KIAA1549L: variants seen among roughly 807,000 people sequenced by gnomAD.
The protein encoded by KIAA1549L is UPF0606 protein KIAA1549L.
A neutral mutation model predicts 160.7 loss-of-function variants in KIAA1549L; 88 were observed. The observed-to-expected ratio is 0.55, with a 90% CI of 0.46 to 0.65. The LOEUF is 0.65. Among genes scored for constraint, KIAA1549L ranks in the 30% least tolerant of loss-of-function variants. The probability of loss-of-function intolerance (pLI) is 0.00; values close to 1 mark genes in which losing one functional copy is unlikely to be tolerated. For synonymous variants in KIAA1549L, 950 were observed against 976.7 expected (o/e 0.97, Z 0.51); for missense variants, 2,258 against 2,437.5 (o/e 0.93, Z 1.55).
At chr11:33,455,638 G>A (rs1851806956) in intron 1 of KIAA1549L, among the ~76,000 whole-genome samples, 1 of 152,248 alleles carries the variant, frequency 6.6e-6, no homozygotes, top group Non-Finnish European at 1.5e-5. Flanking sequence ...GATTTCCTGG[G>A]TATAATGTTT....
chr11:33,542,942 C>T lies in KIAA1549L; in HGVS notation c.1379C>T (p.Pro460Leu). ...LSAAPENSRG[P>L]ALSAEHTSSL... ...GCAGCTCCAGAGAATTCCAGAGGGC[C>T]CGCCCTTTCGGCAGAACACACCTCT... is the stretch of plus-strand genomic sequence containing the variant. Residue 460 changes from proline to leucine, a missense_variant, in exon 2 of 21, where the codon CCC becomes CTC. Physicochemically the swap from Pro to Leu is moderately conservative, Grantham distance 98. Transcript: ENST00000658780. The T allele has an allele frequency of 6.2e-7, 1 of 1,614,056 alleles. No homozygotes were observed. The highest frequency in any genetic ancestry group is 8.5e-7 in the Non-Finnish European group (1 of 1,179,908).
In KIAA1549L at chr11:33,609,717, A is replaced by G. The variant is rs915692235; in HGVS notation, c.5062-32A>G. ...TCCCACCTGCCGGCCCCACTGGGTC[A>G]GGTTTGGGCCTGAGACTGCCTCTCT... On this transcript the variant is annotated intron_variant, in intron 14 of 20. Coordinates refer to ENST00000658780, the MANE Select transcript of KIAA1549L (RefSeq NM_012194.3). 2.6e-6 allele frequency: 4 copies of G among 1,547,204 alleles called. No individual in the cohort carries two copies. In the African/African-American group the frequency reaches 4.1e-5, roughly 16 times the overall value.
At chr11:33,547,315 A>G (rs1001105255) in intron 3 of KIAA1549L, among the ~76,000 whole-genome samples, 3 of 152,176 alleles carry the variant, frequency 2.0e-5, no homozygotes, top group Non-Finnish European at 2.9e-5. Context: ...GTCACATTCA[A>G]TCCCAAATAC....
At position 33,668,934 on chromosome 11, in the gene KIAA1549L, T is replaced by C. The variant is rs986256589; in HGVS notation, c.*780T>C. On this transcript the variant is annotated 3_prime_UTR_variant, in exon 21 of 21. Coordinates refer to ENST00000658780, the MANE Select transcript of KIAA1549L (RefSeq NM_012194.3). ...TCGGTGCTAAGAGCTTTTAGGATCC[T>C]ACAAAAGAAACACAGTTATTTGTGA... 6.6e-6 allele frequency: 1 copy of C among 152,246 alleles called. No homozygotes were observed. The highest frequency in any genetic ancestry group is 2.4e-5 in the African/African-American group (1 of 41,472). The allele number at this position is 152,246 out of a possible 1,614,324, so 9.4% of individuals were successfully genotyped here. A position where few individuals can be genotyped will look rare whatever the true frequency, so the allele number is the denominator to read the frequency against.
chr11:33,538,628 A>C (rs1026523760), intron 1 of KIAA1549L, among the ~76,000 whole-genome samples: 1 of 152,194 alleles, frequency 6.6e-6, no homozygotes, highest in African/African-American at 2.4e-5. Flanking sequence ...GGGGAGAAGA[A>C]AGACAGAGGG....
intron 11 of KIAA1549L, among the ~76,000 whole-genome samples, chr11:33,588,223 G>A (rs971154187): frequency 1.3e-5 from 2 of 152,144 alleles, no homozygotes; most frequent in Non-Finnish European, 2.9e-5. Context: ...TTGAGGGTGA[G>A]GAACCAGTTA....
intron 1 of KIAA1549L, among the ~76,000 whole-genome samples, chr11:33,379,807 G>A (rs1206840739): frequency 2.6e-5 from 4 of 152,190 alleles, no homozygotes; most frequent in South Asian, 2.1e-4. Context: ...TACAGTAGGC[G>A]CTCAGTGAAT....
At chr11:33,589,826 G>A (rs1367460562) in intron 11 of KIAA1549L, among the ~76,000 whole-genome samples, 2 of 152,140 alleles carry the variant, frequency 1.3e-5, no homozygotes, top group Non-Finnish European at 2.9e-5. Context: ...ACAAGTTAAT[G>A]GGTGCAGCAC....
At position 33,543,443 on chromosome 11, in the gene KIAA1549L, C is replaced by A; in HGVS notation, c.1880C>A (p.Pro627His). ...TNPLPSGPPL[P>H]SILSIQATQT... ...CCCCTTCCTTCAGGACCACCTCTAC[C>A]TTCCATACTCTCCATACAAGCCACC... is the stretch of plus-strand genomic sequence containing the variant. The change falls in exon 2 of 21, where the codon CCT (proline) becomes CAT (histidine). Residue 627 changes from proline to histidine, a missense_variant. Physicochemically the swap from Pro to His is moderately conservative, Grantham distance 77. Coordinates refer to ENST00000658780, the MANE Select transcript of KIAA1549L (RefSeq NM_012194.3). 6.2e-7 allele frequency: 1 copy of A among 1,614,050 alleles called. No homozygotes were observed. The highest frequency in any genetic ancestry group is 8.5e-7 in the Non-Finnish European group (1 of 1,179,898).
intron 1 of KIAA1549L, among the ~76,000 whole-genome samples, chr11:33,539,276 A>G (rs889875189): frequency 6.6e-5 from 10 of 152,140 alleles, no homozygotes; most frequent in Non-Finnish European, 1.3e-4. Flanking sequence ...AAACCATCCA[A>G]TATCCTATTT....
At chr11:33,417,848 G>A (rs987159142) in intron 1 of KIAA1549L, among the ~76,000 whole-genome samples, 15 of 151,140 alleles carry the variant, frequency 9.9e-5, no homozygotes, top group Non-Finnish European at 1.5e-5. Context: ...CACAATCTCA[G>A]CTCACTGCAA....
At chr11:33,536,316 G>T (rs762919746) in intron 1 of KIAA1549L, among the ~76,000 whole-genome samples, 3 of 152,228 alleles carry the variant, frequency 2.0e-5, no homozygotes, top group Admixed American at 1.3e-4. Context: ...CAGTTGGGAC[G>T]ATTCAGACAG....
intron 17 of KIAA1549L, among the ~76,000 whole-genome samples, chr11:33,651,719 T>C (rs867002941): frequency 2.0e-5 from 3 of 152,054 alleles, no homozygotes; most frequent in Non-Finnish European, 4.4e-5. Context: ...GAGACCAGCA[T>C]GCACTGGGGC....
chr11:33,479,377 A>G (rs533107646), intron 1 of KIAA1549L, among the ~76,000 whole-genome samples: 1 of 152,320 alleles, frequency 6.6e-6, no homozygotes, highest in Non-Finnish European at 1.5e-5. Flanking sequence ...AAATTTACAA[A>G]TGGTTTGTCG....
At chr11:33,384,064 CA>C (rs1850125439) in intron 1 of KIAA1549L, among the ~76,000 whole-genome samples, 1 of 152,096 alleles carries the variant, frequency 6.6e-6, no homozygotes, top group African/African-American at 2.4e-5. Context: ...ATGCGTCCAC[CA>C]CCACAATCCA....
intron 1 of KIAA1549L, among the ~76,000 whole-genome samples, chr11:33,379,583 A>G (rs1850031528): frequency 6.6e-6 from 1 of 152,042 alleles, no homozygotes; most frequent in African/African-American, 2.4e-5. Context: ...TTAACTACTG[A>G]GCTTCCATTC....
At chr11:33,572,950 C>T (rs1855315195) in intron 9 of KIAA1549L, among the ~76,000 whole-genome samples, 1 of 152,322 alleles carries the variant, frequency 6.6e-6, no homozygotes, top group Admixed American at 6.5e-5. Flanking sequence ...ACTTCCTCAT[C>T]AACACTTGGT....
chr11:33,643,088 A>C (rs1043611345), intron 16 of KIAA1549L, among the ~76,000 whole-genome samples: 1 of 152,174 alleles, frequency 6.6e-6, no homozygotes, highest in Non-Finnish European at 1.5e-5. Flanking sequence ...TGGCCGCATC[A>C]AGCCTGTGGA....
chr11:33,463,897 C>T (rs1458477303), intron 1 of KIAA1549L, among the ~76,000 whole-genome samples: 1 of 152,144 alleles, frequency 6.6e-6, no homozygotes, highest in Non-Finnish European at 1.5e-5. Context: ...TCTCTGTTTC[C>T]ATAGTTTTTC....
Sources: gnomAD v4.1 joint callset for allele counts (sites outside exome capture counted in the v4.1 genomes callset) on GRCh38, gnomAD v4.1.1 for gene constraint, MANE v1.5 for transcripts, NCBI Gene and HGNC (gene_info 2026-07-23, HGNC 2026-07-21) for gene names.